Variants in SNTG1 observed in about 807,000 individuals in gnomAD.
SNTG1 encodes the protein gamma-1-syntrophin.
Under a neutral mutation model 74.7 loss-of-function variants are expected in SNTG1, and 39 were observed. The ratio of observed to expected loss-of-function variants is 0.52; its 90% confidence interval spans 0.40 to 0.68. SNTG1 has a LOEUF of 0.68. Among genes scored for constraint, SNTG1 ranks in the 30% least tolerant of loss-of-function variants. The pLI, the probability that SNTG1 is intolerant of heterozygous loss-of-function variation, is 0.00. For missense variants in SNTG1, 685 were observed against 609.5 expected (o/e 1.12, Z -1.30); for synonymous variants, 254 against 217.1 (o/e 1.17, Z -1.49).
rs7011497 is a variant in SNTG1, at chr8:50,337,542, C to G, written c.-27-56670C>G. ...ACCCAGAGCATTCTGTTCTGTTTAA[C>G]AAAGGTCTCCCCTCAAGAAAAACCT... On this transcript the variant is annotated intron_variant, in intron 2 of 18. Coordinates refer to ENST00000642720, the MANE Select transcript of SNTG1 (RefSeq NM_018967.5). 8.5e-5 allele frequency among the ~76,000 whole-genome samples: 13 copies of G among 152,302 alleles called. 1 individual carries two copies. The highest frequency in any genetic ancestry group is 3.1e-4 in the African/African-American group (13 of 41,564).
chr8:50,762,647 T>C (rs1209297965), intron 18 of SNTG1: 5 of 432,818 alleles, frequency 1.2e-5, no homozygotes, highest in East Asian at 6.2e-5. Context: ...CTTATTAGCA[T>C]CTGTGTAAGA....
intron 1 of SNTG1, among the ~76,000 whole-genome samples, chr8:50,127,063 C>T (rs7821115): frequency 0.011 from 1,633 of 152,136 alleles, 29 homozygotes; most frequent in African/African-American, 0.037. Context: ...GACAATGGAA[C>T]GGTGAAGACA....
In SNTG1 at chr8:50,059,921, C is replaced by T. The variant is rs139865088; in HGVS notation, c.-102-112640C>T. ...TTAACTACTTGAAGAACTACCAGCC[C>T]GTTTTTCAAAGCAGGTGCATTATTT... On this transcript the variant is annotated intron_variant, in intron 1 of 18. Coordinates refer to ENST00000642720, the MANE Select transcript of SNTG1 (RefSeq NM_018967.5). Among the ~76,000 whole-genome samples, 291 of 152,160 alleles carry T rather than the reference C, an allele frequency of 1.9e-3. 1 individual carries two copies. The highest frequency in any genetic ancestry group is 6.7e-3 in the African/African-American group (279 of 41,528).
intron 12 of SNTG1, among the ~76,000 whole-genome samples, chr8:50,577,810 T>G (rs542124941): frequency 6.6e-6 from 1 of 152,214 alleles, no homozygotes; most frequent in South Asian, 2.1e-4. Context: ...GAAAATGAGG[T>G]TTCTTTAACA....
chr8:49,913,193 T>C (rs1458759275), intron 1 of SNTG1, among the ~76,000 whole-genome samples: 2 of 152,192 alleles, frequency 1.3e-5, no homozygotes, highest in Non-Finnish European at 2.9e-5. Context: ...GTACATTCAG[T>C]TCAGTGAAGA....
At chr8:50,487,602 C>T (rs141042485) in intron 8 of SNTG1, among the ~76,000 whole-genome samples, 45 of 150,854 alleles carry the variant, frequency 3.0e-4, no homozygotes, top group Non-Finnish European at 5.0e-4. Flanking sequence ...AAACCAAACA[C>T]TGCATATTCT....
intron 12 of SNTG1, among the ~76,000 whole-genome samples, chr8:50,574,635 C>A (rs1585729727): frequency 6.6e-6 from 1 of 152,236 alleles, no homozygotes; most frequent in Non-Finnish European, 1.5e-5. Context: ...TAAACACTTC[C>A]TCAGAACAGT....
intron 13 of SNTG1, among the ~76,000 whole-genome samples, chr8:50,620,536 A>G (rs916119240): frequency 1.2e-4 from 18 of 152,200 alleles, no homozygotes; most frequent in Non-Finnish European, 1.3e-4. Flanking sequence ...AGTGAAGAGC[A>G]CATACAGAAT....
intron 2 of SNTG1, among the ~76,000 whole-genome samples, chr8:50,308,619 A>T (rs531558874): frequency 2.0e-5 from 3 of 152,282 alleles, no homozygotes; most frequent in African/African-American, 7.2e-5. Context: ...ATTCCAAGTT[A>T]TATTAAATAT....
chr8:50,729,461 G>C (rs914788622), intron 17 of SNTG1, among the ~76,000 whole-genome samples: 2 of 152,072 alleles, frequency 1.3e-5, no homozygotes, highest in African/African-American at 4.8e-5. Context: ...TTTCACACAG[G>C]TTCTTTCTTT....
At chr8:49,939,791 C>T (rs948955386) in intron 1 of SNTG1, among the ~76,000 whole-genome samples, 1 of 152,146 alleles carries the variant, frequency 6.6e-6, no homozygotes, top group South Asian at 2.1e-4. Flanking sequence ...CTCTATTCTG[C>T]TAGAAAGCAT....
In SNTG1 at chr8:50,153,081, T is replaced by G. The variant is rs561181354; in HGVS notation, c.-102-19480T>G. Among the ~76,000 whole-genome samples, 45 of 152,320 alleles carry G rather than the reference T, an allele frequency of 3.0e-4. 1 individual carries two copies. In the South Asian group the frequency reaches 9.3e-3, roughly 32 times the overall value. ...TTTGGTCTTTTCACATAGTACCATA[T>G]TTCTTGGAGGCCTTGTTCGTTTCTT... is the stretch of plus-strand genomic sequence containing the variant. On this transcript the variant is annotated intron_variant, in intron 1 of 18. Coordinates refer to ENST00000642720, the MANE Select transcript of SNTG1 (RefSeq NM_018967.5).
intron 1 of SNTG1, among the ~76,000 whole-genome samples, chr8:50,079,973 AGG>A (rs1381622701): frequency 1.3e-5 from 2 of 152,204 alleles, no homozygotes; most frequent in Non-Finnish European, 2.9e-5. Context: ...GTTTGAAGTC[AGG>A]TAGTGTGATA....
intron 2 of SNTG1, among the ~76,000 whole-genome samples, chr8:50,343,250 G>T (rs929015485): frequency 1.1e-4 from 16 of 152,132 alleles, no homozygotes; most frequent in African/African-American, 3.6e-4. Context: ...ACGACCATCA[G>T]CATTGATTCA....
chr8:49,986,155 T>C (rs1813133706), intron 1 of SNTG1, among the ~76,000 whole-genome samples: 1 of 152,174 alleles, frequency 6.6e-6, no homozygotes, highest in African/African-American at 2.4e-5. Flanking sequence ...TTTCTGGCAT[T>C]AGGGTAATGT....
chr8:50,701,693 C>A (rs190716971), intron 15 of SNTG1, among the ~76,000 whole-genome samples: 1 of 142,590 alleles, frequency 7.0e-6, no homozygotes, highest in African/African-American at 2.8e-5. Flanking sequence ...TTCTTCTTTG[C>A]CTTCCTCTTC....
intron 15 of SNTG1, among the ~76,000 whole-genome samples, chr8:50,690,249 C>G (rs2095371811): frequency 6.6e-6 from 1 of 152,098 alleles, no homozygotes; most frequent in Non-Finnish European, 1.5e-5. Flanking sequence ...CTATTTCCTT[C>G]AGTTCTGCTC....
At chr8:50,278,191 A>G (rs1220425485) in intron 2 of SNTG1, among the ~76,000 whole-genome samples, 1 of 152,180 alleles carries the variant, frequency 6.6e-6, no homozygotes, top group Non-Finnish European at 1.5e-5. Flanking sequence ...AAGAAAAAAA[A>G]GGACTTATAT....
Position 50,536,758 on chromosome 8 carries a change from T to C in SNTG1, c.630T>C (p.Pro210=), listed in dbSNP as rs757903429. The change falls in exon 11 of 19, where the codon CCT becomes CCC. Residue 210 remains proline, a synonymous_variant. Transcript: ENST00000642720. ...GATGGTGCGACCTCAGACTGATCCC[T>C]CTACTTCATTCGCGCTTCTCTCAGT... ...EKRWCDLRLI[P]LLHSRFSQYV... 1 of 1,614,046 alleles carries C rather than the reference T, an allele frequency of 6.2e-7. No homozygotes were observed. Among genetic ancestry groups the C allele is most frequent in the Admixed American group, 1.7e-5 (1 of 60,018 alleles).
Sources: gnomAD v4.1 joint callset for allele counts (sites outside exome capture counted in the v4.1 genomes callset) on GRCh38, gnomAD v4.1.1 for gene constraint, MANE v1.5 for transcripts, NCBI Gene and HGNC (gene_info 2026-07-23, HGNC 2026-07-21) for gene names.